Variants in IL13RA1 observed in about 807,000 individuals in gnomAD.
The protein encoded by IL13RA1 is interleukin 13 receptor subunit alpha 1.
In IL13RA1, 14 loss-of-function variants were observed where a neutral mutation model predicts 33.8. The ratio of observed to expected loss-of-function variants is 0.41; its 90% CI spans 0.27 to 0.65. The LOEUF (loss-of-function observed/expected upper bound fraction) is 0.65. Among genes scored for constraint, IL13RA1 ranks in the 30% least tolerant of loss-of-function variants. The pLI, the probability that IL13RA1 is intolerant of heterozygous loss-of-function variation, is 0.28. For missense variants in IL13RA1, 313 were observed against 327.0 expected (o/e 0.96, Z 0.33); for synonymous variants, 116 against 115.7 (o/e 1.00, Z -0.02).
At chrX:118,782,143 G>C (rs2017850750) in intron 10 of IL13RA1, among the ~76,000 whole-genome samples, 3 of 110,955 alleles carry the variant, frequency 2.7e-5, no homozygotes, top group African/African-American at 9.8e-5. Context: ...TGCAACCTCT[G>C]CTCACTGTAG....
intron 10 of IL13RA1, among the ~76,000 whole-genome samples, chrX:118,780,909 T>A (rs2017836315): frequency 8.9e-6 from 1 of 112,435 alleles, no homozygotes; most frequent in African/African-American, 3.2e-5. Flanking sequence ...TGTCCTTTTT[T>A]AAACACTGTC....
the IL13RA1 span, among the ~76,000 whole-genome samples, chrX:118,803,415 G>A: frequency 8.9e-6 from 1 of 112,329 alleles, no homozygotes; most frequent in East Asian, 2.8e-4. Flanking sequence ...TTATTTTTAA[G>A]CAAGTCCCAG....
At position 118,794,520 on chromosome X, in the gene IL13RA1, C is replaced by T. The variant is rs1296546369; in HGVS notation, c.*2666C>T. 1.8e-5 allele frequency: 2 copies of T among 112,162 alleles called. No homozygotes were observed. Among genetic ancestry groups the T allele is most frequent in the Admixed American group, 1.9e-4 (2 of 10,584 alleles). The allele number at this position is 112,162 out of a possible 1,213,427, so 9.2% of individuals were successfully genotyped here. ...AAAGCTTGAGTAAAATAAATATTGT[C>T]TTTTTGTATGTCACCCAAATGTTTT... On this transcript the variant is annotated 3_prime_UTR_variant, in exon 11 of 11. Transcript: ENST00000371666.
chrX:118,795,211 CAAAA>C (rs1222782237), downstream of IL13RA1, among the ~76,000 whole-genome samples: 44 of 26,989 alleles, frequency 1.6e-3, 1 homozygote, highest in Middle Eastern at 0.019. Context: ...GACTCCGTCT[CAAAA>C]AAAAAAAAAA....
At chrX:118,734,121 T>C (rs1180520362) in intron 1 of IL13RA1, among the ~76,000 whole-genome samples, 1 of 111,965 alleles carries the variant, frequency 8.9e-6, no homozygotes, top group Non-Finnish European at 1.9e-5. Flanking sequence ...ATAAGAATTT[T>C]AGGATGGATT....
At chrX:118,742,277 G>A (rs1282255217) in intron 2 of IL13RA1, among the ~76,000 whole-genome samples, 1 of 112,261 alleles carries the variant, frequency 8.9e-6, no homozygotes, top group Non-Finnish European at 1.9e-5. Context: ...TCTTCTAAAT[G>A]TGGAAGCCAA....
At chrX:118,773,484 C>A (rs2017747703) in intron 8 of IL13RA1, among the ~76,000 whole-genome samples, 1 of 111,757 alleles carries the variant, frequency 8.9e-6, no homozygotes, top group Admixed American at 9.5e-5. Context: ...GAGTGAGAGA[C>A]TCTGTCTCAA....
chrX:118,770,124 A>G, intron 8 of IL13RA1: 1 of 267,294 alleles, frequency 3.7e-6, no homozygotes, highest in Non-Finnish European at 7.1e-6. Flanking sequence ...TACCCCTACT[A>G]CGTGCTGACC....
Position 118,753,499 on chromosome X carries a change from C to T in IL13RA1, c.488+3721C>T, listed in dbSNP as rs140325260. Among the ~76,000 whole-genome samples, 57 of 112,209 alleles carry T rather than the reference C, an allele frequency of 5.1e-4. 1 individual carries two copies. In the South Asian group the frequency reaches 7.0e-3, roughly 14 times the overall value. On this transcript the variant is annotated intron_variant, in intron 4 of 10. Transcript: ENST00000371666. ...ATGCAATTCCAAGATAGTGGTGGGT[C>T]ACTAGCATCCAAGGGGGCAGATATC...
At chrX:118,763,946 T>C (rs2017618183) in intron 6 of IL13RA1, among the ~76,000 whole-genome samples, 1 of 112,053 alleles carries the variant, frequency 8.9e-6, no homozygotes, top group Admixed American at 9.5e-5. Flanking sequence ...TTAATATTCT[T>C]CCTCCTAGCA....
chrX:118,780,498 A>C (rs2017831068), intron 10 of IL13RA1, among the ~76,000 whole-genome samples: 1 of 112,712 alleles, frequency 8.9e-6, no homozygotes, highest in Admixed American at 9.4e-5. Flanking sequence ...AAGAGGTTTA[A>C]TTAGCTCATG....
intron 10 of IL13RA1, among the ~76,000 whole-genome samples, chrX:118,778,037 A>G (rs1335779288): frequency 9.0e-6 from 1 of 111,439 alleles, no homozygotes; most frequent in Non-Finnish European, 1.9e-5. Flanking sequence ...TTTCATTAGT[A>G]AAATGGAGGT....
At chrX:118,733,747 G>C (rs1175128164) in intron 1 of IL13RA1, among the ~76,000 whole-genome samples, 1 of 110,035 alleles carries the variant, frequency 9.1e-6, no homozygotes, top group Non-Finnish European at 1.9e-5. Context: ...AAATTTTATA[G>C]TTTTAGTCTT....
In IL13RA1 at chrX:118,794,256, G is replaced by C. The variant is rs2018008934; in HGVS notation, c.*2402G>C. The C allele has an allele frequency of 8.9e-6, 1 of 112,356 alleles. No homozygotes were observed. Among genetic ancestry groups the C allele is most frequent in the African/African-American group, 3.2e-5 (1 of 30,873 alleles). The allele number at this position is 112,356 out of a possible 1,213,427, so 9.3% of individuals were successfully genotyped here. A position where few individuals can be genotyped will look rare whatever the true frequency, so the allele number is the denominator to read the frequency against. On this transcript the variant is annotated 3_prime_UTR_variant, in exon 11 of 11. Transcript: ENST00000371666. Reference sequence around the variant, plus strand: ...GTCTTGGGAGCTCTTGGAGGTGTCTGTATCAGTGGATTTCCCATCCCCTGT... The same window carrying C: ...GTCTTGGGAGCTCTTGGAGGTGTCTCTATCAGTGGATTTCCCATCCCCTGT...
At chrX:118,770,554 G>A in intron 8 of IL13RA1, 1 of 528,845 alleles carries the variant, frequency 1.9e-6, no homozygotes, top group South Asian at 2.3e-5. Flanking sequence ...GCGCATGGCA[G>A]CGCTGCCCAC....
At chrX:118,734,592 T>C (rs911921245) in intron 1 of IL13RA1, among the ~76,000 whole-genome samples, 1 of 112,446 alleles carries the variant, frequency 8.9e-6, no homozygotes, top group African/African-American at 3.2e-5. Context: ...TTTTCCCCTT[T>C]ATTCTGTTAA....
chrX:118,784,088 A>ATATATATAT (rs1486333613), intron 10 of IL13RA1, among the ~76,000 whole-genome samples: 3 of 50,773 alleles, frequency 5.9e-5, no homozygotes, highest in African/African-American at 3.0e-4. Flanking sequence ...AAAAAAAAAA[A>ATATATATAT]AAATATATAT....
intron 1 of IL13RA1, among the ~76,000 whole-genome samples, chrX:118,731,563 C>G: frequency 1.1e-5 from 1 of 93,828 alleles, no homozygotes; most frequent in Non-Finnish European, 2.1e-5. Flanking sequence ...GGTAACAGAG[C>G]GAGACTCCGT....
chrX:118,792,611 A>C lies in IL13RA1; in HGVS notation c.*757A>C, dbSNP rs975845386. On this transcript the variant is annotated 3_prime_UTR_variant, in exon 11 of 11. Transcript: ENST00000371666. ...CAGTGAGCAGAGATCACACCACTGC[A>C]CTCTAGCCTGGGTGACAGAGCAAGA... 1 of 112,351 alleles carries C rather than the reference A, an allele frequency of 8.9e-6. No individual in the cohort carries two copies. Among genetic ancestry groups the C allele is most frequent in the Non-Finnish European group, 1.9e-5 (1 of 53,566 alleles). 9.3% of individuals were successfully genotyped at this position (112,351 alleles called of 1,213,427 possible). A position where few individuals can be genotyped will look rare whatever the true frequency, so the allele number is the denominator to read the frequency against.
Sources: allele counts gnomAD v4.1 joint callset (sites outside exome capture counted in the v4.1 genomes callset), GRCh38; gene constraint gnomAD v4.1.1; transcripts MANE v1.5; gene names NCBI Gene and HGNC (gene_info 2026-07-23, HGNC 2026-07-21).